HECW2: variants seen among roughly 807,000 people sequenced by gnomAD.
HECW2 encodes the protein E3 ubiquitin-protein ligase HECW2.
In HECW2, 61 loss-of-function variants were observed where a neutral mutation model predicts 175.2. The observed-to-expected ratio is 0.35, with a 90% CI of 0.28 to 0.43. The LOEUF (loss-of-function observed/expected upper bound fraction) is 0.43, where lower values mean the gene tolerates loss of function less well. Among genes scored for constraint, HECW2 ranks in the 20% least tolerant of loss-of-function variants. The pLI is 1.00. For synonymous variants in HECW2, 671 were observed against 731.0 expected (o/e 0.92, Z 1.32); for missense variants, 1,524 against 2,000.5 (o/e 0.76, Z 4.54).
At chr2:196,437,560 C>T (rs1015746806) in intron 1 of HECW2, among the ~76,000 whole-genome samples, 2 of 138,758 alleles carry the variant, frequency 1.4e-5, no homozygotes, top group African/African-American at 5.4e-5. Context: ...TGCAGTGAGC[C>T]AAGATCACAC....
chr2:196,244,925 T>C (rs1197528044), intron 19 of HECW2, among the ~76,000 whole-genome samples: 3 of 152,236 alleles, frequency 2.0e-5, no homozygotes, highest in Non-Finnish European at 4.4e-5. Context: ...AGTGCCTTTA[T>C]AGGTTCTTGA....
intron 2 of HECW2, among the ~76,000 whole-genome samples, chr2:196,347,209 C>T (rs1017889336): frequency 4.6e-5 from 7 of 151,450 alleles, no homozygotes; most frequent in South Asian, 2.1e-4. Context: ...CCTGCCACCA[C>T]GCCCAGCTAA....
chr2:196,360,893 A>T (rs976552586), intron 2 of HECW2, among the ~76,000 whole-genome samples: 1 of 152,182 alleles, frequency 6.6e-6, no homozygotes, highest in East Asian at 1.9e-4. Flanking sequence ...AACTGTGCTC[A>T]ATGAGGGCAC....
chr2:196,295,976 A>T (rs1016903340), intron 13 of HECW2, among the ~76,000 whole-genome samples: 2 of 152,230 alleles, frequency 1.3e-5, no homozygotes, highest in African/African-American at 4.8e-5. Context: ...CTTTAGATCC[A>T]CAGCCTTTTC....
Position 196,292,680 on chromosome 2 carries a change from T to C in HECW2, c.2885A>G (p.His962Arg), listed in dbSNP as rs1440292106. 1 of 1,614,118 alleles carries C rather than the reference T, an allele frequency of 6.2e-7. No individual in the cohort carries two copies. Among genetic ancestry groups the C allele is most frequent in the Non-Finnish European group, 8.5e-7 (1 of 1,179,984 alleles). Residue 962 changes from histidine to arginine, a missense_variant, in exon 14 of 29, where the codon CAC (histidine) becomes CGC (arginine). By Grantham distance (29) the His-to-Arg change is conservative. This residue lies in a region of HECW2 where 291 missense variants were observed against 412.2 expected (regional missense o/e 0.71). Transcript: ENST00000644978. ...HMITKVRRDT[H>R]HFERYQHNRD... Reference sequence around the variant, plus strand: ...GTTATGCTGGTAGCGTTCAAAGTGGTGGGTGTCCCTCCGGACTTTGGTGAT... The same window carrying C: ...GTTATGCTGGTAGCGTTCAAAGTGGCGGGTGTCCCTCCGGACTTTGGTGAT...
chr2:196,335,562 T>C (rs1692520861), intron 3 of HECW2, among the ~76,000 whole-genome samples: 1 of 152,334 alleles, frequency 6.6e-6, no homozygotes, highest in South Asian at 2.1e-4. Flanking sequence ...ACTGACTTTC[T>C]CGACTGTACC....
chr2:196,514,768 A>G (rs1324891119), intron 1 of HECW2, among the ~76,000 whole-genome samples: 1 of 152,086 alleles, frequency 6.6e-6, no homozygotes, highest in Admixed American at 6.6e-5. Context: ...GAAAGGAGCT[A>G]CCCACTCTGA....
intron 10 of HECW2, among the ~76,000 whole-genome samples, chr2:196,310,951 T>C (rs1691474714): frequency 2.6e-5 from 4 of 152,174 alleles, no homozygotes; most frequent in Admixed American, 2.6e-4. Flanking sequence ...AGTTCTAGTA[T>C]TCTAGGAATC....
At chr2:196,289,798 C>T (rs1458062108) in intron 14 of HECW2, 3 of 152,142 alleles carry the variant, frequency 2.0e-5, no homozygotes, top group Admixed American at 2.0e-4. Flanking sequence ...AGACAGGAGA[C>T]AGGACTCCTA....
chr2:196,212,755 T>C (rs1687337524), intron 28 of HECW2, among the ~76,000 whole-genome samples: 1 of 152,192 alleles, frequency 6.6e-6, no homozygotes. Flanking sequence ...TTTTTAGATC[T>C]TTGAGGAGTT....
intron 1 of HECW2, among the ~76,000 whole-genome samples, chr2:196,472,359 G>A (rs1697239336): frequency 6.6e-6 from 1 of 150,998 alleles, no homozygotes; most frequent in African/African-American, 2.4e-5. Context: ...GGGGCGGGGG[G>A]CGCCTGTAAT....
At chr2:196,537,550 G>C (rs563105557) in intron 1 of HECW2, among the ~76,000 whole-genome samples, 1 of 152,266 alleles carries the variant, frequency 6.6e-6, no homozygotes, top group East Asian at 1.9e-4. Flanking sequence ...GACAACAGGA[G>C]AAGCTGAGGT....
At chr2:196,535,228 T>A (rs1225794802) in intron 1 of HECW2, among the ~76,000 whole-genome samples, 3 of 152,090 alleles carry the variant, frequency 2.0e-5, no homozygotes, top group African/African-American at 7.2e-5. Flanking sequence ...AGACTCCAAA[T>A]GAAGAAACAC....
At chr2:196,234,390 C>T (rs760885781) in intron 21 of HECW2, among the ~76,000 whole-genome samples, 10 of 151,952 alleles carry the variant, frequency 6.6e-5, no homozygotes, top group Admixed American at 1.3e-4. Flanking sequence ...TGGACTCAAG[C>T]GATCCTCCTG....
intron 21 of HECW2, among the ~76,000 whole-genome samples, chr2:196,229,239 TC>T (rs1180896570): frequency 6.6e-6 from 1 of 152,250 alleles, no homozygotes; most frequent in South Asian, 2.1e-4. Context: ...TTCTCCTTCT[TC>T]CTCTTTTCTC....
At chr2:196,410,994 A>G (rs1176303678) in intron 2 of HECW2, among the ~76,000 whole-genome samples, 1 of 151,326 alleles carries the variant, frequency 6.6e-6, no homozygotes, top group Non-Finnish European at 1.5e-5. Flanking sequence ...TAGAGACAGG[A>G]GCTTTTTGTT....
chr2:196,274,086 A>G lies in HECW2; in HGVS notation c.3173T>C (p.Leu1058Pro). The change falls in exon 16 of 29, where the codon CTT becomes CCT. Residue 1058 changes from leucine (L) to proline (P), a missense_variant. Coordinates refer to ENST00000644978, the MANE Select transcript of HECW2 (RefSeq NM_001348768.2). ...ATTGAATGTACTGGATGGCCTGGGA[A>G]GAACTGGTGGTCCTGCATGTCGAGA... ...EDSRHAGPPV[L>P]PRPSSTFNTV... 1 of 1,614,186 alleles carries G rather than the reference A, an allele frequency of 6.2e-7. No individual in the cohort carries two copies. The highest frequency in any genetic ancestry group is 8.5e-7 in the Non-Finnish European group (1 of 1,179,990).
At chr2:196,332,460 G>T (rs1575424948) in intron 4 of HECW2, among the ~76,000 whole-genome samples, 1 of 152,258 alleles carries the variant, frequency 6.6e-6, no homozygotes, top group Middle Eastern at 3.4e-3. Flanking sequence ...TTCAGTCTCT[G>T]AACCAAAATA....
chr2:196,429,693 A>G (rs1343253565), intron 2 of HECW2, among the ~76,000 whole-genome samples: 2 of 152,216 alleles, frequency 1.3e-5, no homozygotes, highest in Admixed American at 6.5e-5. Flanking sequence ...CCCAGATCTC[A>G]GATGGAGGAC....
Sources: gnomAD v4.1 joint callset for allele counts (sites outside exome capture counted in the v4.1 genomes callset) on GRCh38, gnomAD v4.1.1 for gene constraint, gnomAD v4.1.1 regional missense constraint, MANE v1.5 for transcripts, NCBI Gene and HGNC (gene_info 2026-07-23, HGNC 2026-07-21) for gene names.